CHRDL1: variants seen among roughly 807,000 people sequenced by gnomAD.
CHRDL1 encodes the protein chordin like 1.
Under a neutral mutation model 40.9 loss-of-function variants are expected in CHRDL1, and 19 were observed. The observed-to-expected ratio is 0.46, with a 90% CI of 0.32 to 0.68. The LOEUF is 0.68. Ranked by LOEUF, CHRDL1 falls within the 30% of genes least tolerant of loss-of-function variation. The probability of loss-of-function intolerance (pLI) is 0.03; values close to 1 mark genes in which losing one functional copy is unlikely to be tolerated. For synonymous variants in CHRDL1, 136 were observed against 123.4 expected (o/e 1.10, Z -0.68); for missense variants, 329 against 352.1 (o/e 0.93, Z 0.53).
At chrX:110,772,994 A>G (rs1474529804) in intron 2 of CHRDL1, among the ~76,000 whole-genome samples, 1 of 112,657 alleles carries the variant, frequency 8.9e-6, no homozygotes, top group African/African-American at 3.2e-5. Flanking sequence ...GGTTTAGGCA[A>G]AAAGTTTAGA....
At chrX:110,762,545 G>A (rs1488351552) in intron 3 of CHRDL1, 150 bp downstream of exon 3, 2 of 403,197 alleles carry the variant, frequency 5.0e-6, no homozygotes, top group African/African-American at 5.3e-5. Flanking sequence ...ACAAAGTGCT[G>A]GGATTATAGG....
At chrX:110,787,032 G>C (rs1251855722) in intron 2 of CHRDL1, among the ~76,000 whole-genome samples, 1 of 111,630 alleles carries the variant, frequency 9.0e-6, no homozygotes, top group African/African-American at 3.3e-5. Context: ...TTCTAGCTCT[G>C]GCTGGGACTT....
intron 2 of CHRDL1, among the ~76,000 whole-genome samples, chrX:110,767,441 C>T (rs773582411): frequency 3.6e-5 from 4 of 109,933 alleles, no homozygotes; most frequent in Non-Finnish European, 5.7e-5. Context: ...CCTTGAAAAC[C>T]ATAAGGAGTC....
At chrX:110,732,119 G>C (rs1305032439) in intron 4 of CHRDL1, among the ~76,000 whole-genome samples, 1 of 111,235 alleles carries the variant, frequency 9.0e-6, no homozygotes, top group Non-Finnish European at 1.9e-5. Flanking sequence ...TTGAAGAAGA[G>C]AAAGGTAAAT....
At chrX:110,750,019 T>TG (rs2089328587) in intron 4 of CHRDL1, among the ~76,000 whole-genome samples, 1 of 111,400 alleles carries the variant, frequency 9.0e-6, no homozygotes, top group African/African-American at 3.3e-5. Flanking sequence ...TGCAGGACTT[T>TG]GGGGTAGGTA....
intron 2 of CHRDL1, among the ~76,000 whole-genome samples, chrX:110,771,569 A>G (rs138269119): frequency 1.0e-3 from 114 of 112,531 alleles, no homozygotes; most frequent in African/African-American, 3.6e-3. Flanking sequence ...TCAACAAACC[A>G]AAGAAGGAAA....
In CHRDL1 at chrX:110,728,245, G is replaced by A. The variant is rs187220088; in HGVS notation, c.302-6715C>T. Among the ~76,000 whole-genome samples, 83 of 92,219 alleles carry A rather than the reference G, an allele frequency of 9.0e-4. No individual in the cohort carries two copies. The East Asian group carries it at 0.015, about 17-fold the overall frequency. The allele number at this position is 92,219 out of a possible 115,157, so 80.1% of individuals were successfully genotyped here. On this transcript the variant is annotated intron_variant, in intron 4 of 11. Transcript: ENST00000372042. ...GATAAGAATTGGGTGAGTGTGGGAC[G>A]GGGTGAATAAGATATTCTATTGCAT...
At chrX:110,765,885 C>T (rs1378056780) in intron 2 of CHRDL1, among the ~76,000 whole-genome samples, 1 of 111,667 alleles carries the variant, frequency 9.0e-6, no homozygotes, top group Non-Finnish European at 1.9e-5. Flanking sequence ...CCAACAACCA[C>T]AGAATACACA....
intron 8 of CHRDL1, among the ~76,000 whole-genome samples, chrX:110,692,816 C>T (rs1391319642): frequency 8.9e-6 from 1 of 111,853 alleles, no homozygotes; most frequent in Non-Finnish European, 1.9e-5. Context: ...ATTTTTTTAT[C>T]TGTAATCTGA....
chrX:110,749,651 A>G (rs1033915220), intron 4 of CHRDL1, among the ~76,000 whole-genome samples: 3 of 111,940 alleles, frequency 2.7e-5, no homozygotes, highest in African/African-American at 9.7e-5. Flanking sequence ...ACAGATTTCA[A>G]TAACTGACAC....
At position 110,792,349 on chromosome X, in the gene CHRDL1, T is replaced by C. The variant is rs768014929; in HGVS notation, c.-34-134A>G. 1.1e-5 allele frequency: 4 copies of C among 379,952 alleles called. No homozygotes were observed. The East Asian group carries it at 1.8e-4, about 17-fold the overall frequency. 31.3% of individuals were successfully genotyped at this position (379,952 alleles called of 1,213,427 possible). On this transcript the variant is annotated intron_variant, in intron 1 of 11. Coordinates refer to ENST00000372042, the MANE Select transcript of CHRDL1 (RefSeq NM_001143981.2). ...AATTTACATAAGTGTAAGTATTGTC[T>C]GCCTGCACAAGATAAAGGACTTGCC...
rs550797803 is a variant in CHRDL1, at chrX:110,719,561, A to C, written c.541+274T>G. Among the ~76,000 whole-genome samples, 95 of 110,494 alleles carry C rather than the reference A, an allele frequency of 8.6e-4. No individual in the cohort carries two copies. In the South Asian group the frequency reaches 0.032, roughly 38 times the overall value. On this transcript the variant is annotated intron_variant, in intron 6 of 11. Transcript: ENST00000372042. ...GCTAGAAGGGATTAAGGATGGAGAA[A>C]TAAATATATTCACTTTCACATTTGA... is the stretch of plus-strand genomic sequence containing the variant.
intron 3 of CHRDL1, among the ~76,000 whole-genome samples, chrX:110,761,455 G>T (rs2089561978): frequency 8.9e-6 from 1 of 112,270 alleles, no homozygotes; most frequent in African/African-American, 3.2e-5. Context: ...TCTCAGGTAA[G>T]AAGCTGGTCT....
At chrX:110,715,295 G>A (rs1283352611) in intron 6 of CHRDL1, among the ~76,000 whole-genome samples, 2 of 111,626 alleles carry the variant, frequency 1.8e-5, no homozygotes, top group Non-Finnish European at 3.8e-5. Flanking sequence ...CTAAAGTTCT[G>A]TCTATGGAGA....
intron 8 of CHRDL1, among the ~76,000 whole-genome samples, chrX:110,690,222 G>T (rs1232891493): frequency 9.7e-6 from 1 of 103,252 alleles, no homozygotes; most frequent in African/African-American, 3.5e-5. Flanking sequence ...ACTTTTTTTT[G>T]GATTTTTAGT....
intron 2 of CHRDL1, among the ~76,000 whole-genome samples, chrX:110,768,501 G>A (rs2089701052): frequency 9.0e-6 from 1 of 110,623 alleles, no homozygotes; most frequent in Admixed American, 9.6e-5. Context: ...ACTGGGAGAG[G>A]AAGACCTACC....
chrX:110,717,810 T>TAGAATTTAATGGCATTAA (rs2070870454), intron 6 of CHRDL1, among the ~76,000 whole-genome samples: 2 of 111,912 alleles, frequency 1.8e-5, no homozygotes, highest in African/African-American at 6.5e-5. Flanking sequence ...AAAATGGCAG[T>TAGAATTTAATGGCATTAA]AATGTATAGA....
intron 7 of CHRDL1, among the ~76,000 whole-genome samples, chrX:110,695,436 C>T: frequency 9.0e-6 from 1 of 110,997 alleles, no homozygotes; most frequent in Non-Finnish European, 1.9e-5. Context: ...GGGTTCAACA[C>T]ACGTGATGAC....
chrX:110,693,284 C>G (rs1163911091), intron 8 of CHRDL1, among the ~76,000 whole-genome samples: 3 of 111,589 alleles, frequency 2.7e-5, no homozygotes, highest in African/African-American at 9.8e-5. Context: ...TCAGTCTTAA[C>G]CTGATCAGTC....
Sources: gnomAD v4.1 joint callset for allele counts (sites outside exome capture counted in the v4.1 genomes callset) on GRCh38, gnomAD v4.1.1 for gene constraint, MANE v1.5 for transcripts, NCBI Gene and HGNC (gene_info 2026-07-23, HGNC 2026-07-21) for gene names.